RIPOR2: variants seen among roughly 807,000 people sequenced by gnomAD.
RIPOR2 encodes the protein RHO family interacting cell polarization regulator 2, also known as rho family-interacting cell polarization regulator 2.
In RIPOR2, 39 loss-of-function variants were observed where a neutral mutation model predicts 114.5. The observed-to-expected ratio is 0.34, with a 90% CI of 0.26 to 0.44. The LOEUF (loss-of-function observed/expected upper bound fraction) is 0.44, where lower values mean the gene tolerates loss of function less well. Among genes scored for constraint, RIPOR2 ranks in the 20% least tolerant of loss-of-function variants. The pLI, the probability that RIPOR2 is intolerant of heterozygous loss-of-function variation, is 1.00. For synonymous variants in RIPOR2, 445 were observed against 484.4 expected, an observed-to-expected ratio of 0.92 and a Z score of 1.07; for missense variants, 1,007 against 1,255.1, an observed-to-expected ratio of 0.80 and a Z score of 2.99.
chr6:24,942,841 C>A (rs992027546), intron 1 of RIPOR2, among the ~76,000 whole-genome samples: 2 of 152,090 alleles, frequency 1.3e-5, no homozygotes, highest in African/African-American at 4.8e-5. Flanking sequence ...AGGTTGCAAA[C>A]ATTTTCTCCC....
At position 24,806,242 on chromosome 6, in the gene RIPOR2, T is replaced by A; in HGVS notation, c.*131A>T. 3 of 705,052 alleles carry A rather than the reference T, an allele frequency of 4.3e-6. No homozygotes were observed. Among genetic ancestry groups the A allele is most frequent in the Non-Finnish European group, 7.3e-6 (3 of 408,508 alleles). The allele number at this position is 705,052 out of a possible 1,614,324, so 43.7% of individuals were successfully genotyped here. ...TACTGGGATTACAGGCATGAGCCACTGCACCTGGCCTACATTTTTATTTCA... is the reference window on the plus strand; with the variant it reads ...TACTGGGATTACAGGCATGAGCCACAGCACCTGGCCTACATTTTTATTTCA... On this transcript the variant is annotated 3_prime_UTR_variant, in exon 22 of 22. Coordinates refer to ENST00000643898, the MANE Select transcript of RIPOR2 (RefSeq NM_001286445.3).
At chr6:24,810,028 T>C (rs975055270) in intron 20 of RIPOR2, among the ~76,000 whole-genome samples, 1 of 152,076 alleles carries the variant, frequency 6.6e-6, no homozygotes, top group African/African-American at 2.4e-5. Context: ...ATTTTTAACC[T>C]TTGGTACAGA....
intron 1 of RIPOR2, among the ~76,000 whole-genome samples, chr6:25,024,881 A>G (rs1429352690): frequency 1.3e-5 from 2 of 152,116 alleles, no homozygotes; most frequent in African/African-American, 4.8e-5. Context: ...CCTTCTCACC[A>G]TGGGTTTTCT....
intron 7 of RIPOR2, among the ~76,000 whole-genome samples, chr6:24,862,082 G>T (rs971893388): frequency 2.0e-5 from 3 of 152,224 alleles, no homozygotes; most frequent in Admixed American, 2.0e-4. Context: ...CACCATCTGT[G>T]CATGTGGTTA....
At chr6:24,986,985 C>T (rs1224603704) in intron 1 of RIPOR2, among the ~76,000 whole-genome samples, 6 of 152,014 alleles carry the variant, frequency 3.9e-5, no homozygotes, top group African/African-American at 9.7e-5. Flanking sequence ...TGTGTTGTGC[C>T]GCCTTCAAAA....
At chr6:24,873,282 A>C (rs1302231024) in intron 3 of RIPOR2, among the ~76,000 whole-genome samples, 2 of 152,232 alleles carry the variant, frequency 1.3e-5, no homozygotes, top group Non-Finnish European at 2.9e-5. Flanking sequence ...AAATAGAACA[A>C]ATAGTGAATG....
chr6:24,986,568 T>G (rs1774537526), intron 1 of RIPOR2, among the ~76,000 whole-genome samples: 1 of 152,204 alleles, frequency 6.6e-6, no homozygotes, highest in Admixed American at 6.5e-5. Context: ...ATATTGCTGT[T>G]TCACAACAGG....
rs1055664606 is a variant in RIPOR2 at position 24,946,958 on chromosome 6, C to T, written c.77-71141G>A. Among the ~76,000 whole-genome samples the T allele has an allele frequency of 2.6e-5, 4 of 151,980 alleles. No individual in the cohort carries two copies. The East Asian group carries it at 7.7e-4, about 29-fold the overall frequency. ...GTATATGTGTTTCAGTGACCTCTGA[C>T]TATACAGAGACAGAAAAACAATTTG... is the stretch of plus-strand genomic sequence containing the variant. On this transcript the variant is annotated intron_variant, in intron 1 of 13. Coordinates refer to the RIPOR2 transcript ENST00000510784.
chr6:24,918,073 G>A (rs1468905830), intron 1 of RIPOR2, among the ~76,000 whole-genome samples: 3 of 152,162 alleles, frequency 2.0e-5, no homozygotes, highest in Non-Finnish European at 4.4e-5. Flanking sequence ...CCACGTCAGT[G>A]GCCGCCCTGT....
chr6:24,843,299 C>A lies in RIPOR2; in HGVS notation c.1420G>T (p.Glu474Ter). The change falls in exon 13 of 22, where the codon GAG becomes TAG. Residue 474 changes from glutamate (E) to a stop codon, truncating the protein, a stop_gained. Transcript: ENST00000643898. LOFTEE classifies it high-confidence loss of function. ...SSRNSLGEGQ[E>*]PKSHLKEEDP... The stretch of plus-strand genomic sequence containing the variant: ...TCCTCCTTCAGGTGTGACTTTGGCT[C>A]TTGGCCTTCTCCCAGGGAGTTCCTG... 6.2e-7 allele frequency: 1 copy of A among 1,614,014 alleles called. No homozygotes were observed. Among genetic ancestry groups the A allele is most frequent in the South Asian group, 1.1e-5 (1 of 91,082 alleles).
intron 1 of RIPOR2, among the ~76,000 whole-genome samples, chr6:25,033,207 CAAAA>C (rs55686113): frequency 0.017 from 2,557 of 148,640 alleles, 67 homozygotes; most frequent in African/African-American, 0.056. Context: ...GATCTCATCT[CAAAA>C]AAAAAAAAAA....
exon 1 of RIPOR2, chr6:25,041,913 G>A (rs546816429): frequency 1.4e-6 from 1 of 702,828 alleles, no homozygotes; most frequent in Non-Finnish European, 2.6e-6. Flanking sequence ...GTGTAATCGC[G>A]AAGGTAACAC....
rs777288614 is a variant in RIPOR2, at chr6:24,872,952, G to C, written c.352C>G (p.Leu118Val). 1.2e-6 allele frequency: 2 copies of C among 1,605,640 alleles called. No homozygotes were observed. Among genetic ancestry groups the C allele is most frequent in the South Asian group, 2.2e-5 (2 of 90,878 alleles). Residue 118 changes from leucine to valine, a missense_variant, in exon 4 of 22, where the codon CTG (leucine) becomes GTG (valine). Physicochemically the swap from Leu to Val is conservative, Grantham distance 32. Coordinates refer to ENST00000643898, the MANE Select transcript of RIPOR2 (RefSeq NM_001286445.3). ...TCCAGCTCCGTCTGGTGAACCTCCAGATATTCACTGCAAAGATAAGACAAG... is the reference window on the plus strand; with the variant it reads ...TCCAGCTCCGTCTGGTGAACCTCCACATATTCACTGCAAAGATAAGACAAG... Reference protein sequence around the residue: ...RALKNGLDEYLEVHQTELDKL... With the variant: ...RALKNGLDEYVEVHQTELDKL...
chr6:24,866,518 ATT>A (rs59177662), intron 6 of RIPOR2, among the ~76,000 whole-genome samples: 90,574 of 136,636 alleles, frequency 0.66, 31,490 homozygotes, highest in East Asian at 0.8. Flanking sequence ...AGGGTTGAAA[ATT>A]TTTTTTTTTT....
chr6:24,929,959 C>T (rs556536581), intron 1 of RIPOR2, among the ~76,000 whole-genome samples: 1 of 152,184 alleles, frequency 6.6e-6, no homozygotes, highest in Admixed American at 6.5e-5. Context: ...ACCTGTAGTC[C>T]CAGCTACTTG....
At chr6:24,997,159 A>G (rs1775083444) in intron 1 of RIPOR2, among the ~76,000 whole-genome samples, 1 of 152,226 alleles carries the variant, frequency 6.6e-6, no homozygotes, top group Admixed American at 6.5e-5. Context: ...GCACACAACA[A>G]TGAAATCAGA....
chr6:24,822,320 A>G (rs1389831503), intron 19 of RIPOR2, among the ~76,000 whole-genome samples: 1 of 152,198 alleles, frequency 6.6e-6, no homozygotes, highest in Non-Finnish European at 1.5e-5. Flanking sequence ...CAAATATTGT[A>G]ACCATGTGTG....
intron 1 of RIPOR2, chr6:24,976,770 A>G (rs4127052): frequency 6.2e-7 from 1 of 1,611,800 alleles, no homozygotes; most frequent in Non-Finnish European, 8.5e-7. Flanking sequence ...ACAGGTCCTG[A>G]AATCTTGTCC....
At chr6:24,912,310 T>C (rs1769692180) in intron 1 of RIPOR2, among the ~76,000 whole-genome samples, 1 of 152,190 alleles carries the variant, frequency 6.6e-6, no homozygotes, top group Non-Finnish European at 1.5e-5. Context: ...CCCTTCACTC[T>C]TACATTGATC....
Sources: allele counts gnomAD v4.1 joint callset (sites outside exome capture counted in the v4.1 genomes callset), GRCh38; gene constraint gnomAD v4.1.1; transcripts MANE v1.5; gene names NCBI Gene and HGNC (gene_info 2026-07-23, HGNC 2026-07-21).